Variants in TLN2 observed in about 807,000 individuals in gnomAD.
The protein encoded by TLN2 is talin 2.
Under a neutral mutation model 294.7 loss-of-function variants are expected in TLN2, and 118 were observed. The ratio of observed to expected loss-of-function variants is 0.40; its 90% CI spans 0.34 to 0.47. TLN2 has a LOEUF of 0.47. Ranked by LOEUF, TLN2 falls within the 20% of genes least tolerant of loss-of-function variation. The pLI, the probability that TLN2 is intolerant of heterozygous loss-of-function variation, is 0.84. For missense variants in TLN2, 3,083 were observed against 3,282.2 expected, an observed-to-expected ratio of 0.94 and a Z score of 1.48; for synonymous variants, 1,431 against 1,304.5, an observed-to-expected ratio of 1.10 and a Z score of -2.09.
intron 3 of TLN2, 66 bp from the exon 4 acceptor site, chr15:62,647,209 T>G: frequency 1.6e-5 from 23 of 1,400,942 alleles, no homozygotes; most frequent in Non-Finnish European, 2.2e-5. Flanking sequence ...GCACTTTTTT[T>G]GTTTTTTTTT....
intron 32 of TLN2, among the ~76,000 whole-genome samples, chr15:62,744,525 G>A (rs1312263781): frequency 1.3e-5 from 2 of 150,910 alleles, no homozygotes; most frequent in African/African-American, 4.9e-5. Context: ...ACCATGCCCA[G>A]CTAGATGATT....
chr15:62,673,920 C>G, intron 10 of TLN2, 30 bp downstream of exon 10: 2 of 1,565,890 alleles, frequency 1.3e-6, no homozygotes, highest in South Asian at 1.1e-5. Context: ...CTTTATTATT[C>G]TCCTCACTCC....
intron 1 of TLN2, among the ~76,000 whole-genome samples, chr15:62,459,503 A>G (rs919366354): frequency 2.6e-5 from 4 of 151,996 alleles, no homozygotes; most frequent in African/African-American, 9.7e-5. Flanking sequence ...GATAGAGGAA[A>G]ATTTACTGGA....
intron 1 of TLN2, among the ~76,000 whole-genome samples, chr15:62,514,783 G>A (rs187207179): frequency 2.0e-5 from 3 of 152,172 alleles, no homozygotes; most frequent in Non-Finnish European, 2.9e-5. Context: ...TAAATAATTG[G>A]CATTGCTAAT....
chr15:62,634,860 CCTT>C (rs557302843), intron 3 of TLN2, among the ~76,000 whole-genome samples: 123 of 152,286 alleles, frequency 8.1e-4, no homozygotes, highest in African/African-American at 2.9e-3. Context: ...CTAGTCCAAT[CCTT>C]CTTCTTCTCT....
chr15:62,829,614 A>G (rs2068575050), intron 54 of TLN2: 1 of 152,206 alleles, frequency 6.6e-6, no homozygotes, highest in Admixed American at 6.5e-5. Flanking sequence ...AGAATGGGGT[A>G]TCCATCCTCT....
At chr15:62,430,553 A>G (rs2034957548) in intron 1 of TLN2, among the ~76,000 whole-genome samples, 1 of 152,188 alleles carries the variant, frequency 6.6e-6, no homozygotes, top group East Asian at 1.9e-4. Flanking sequence ...AATGATTTGC[A>G]CCACATTTTT....
chr15:62,718,945 GGGGCCT>G (rs948828096), intron 24 of TLN2, among the ~76,000 whole-genome samples: 6 of 152,280 alleles, frequency 3.9e-5, no homozygotes, highest in Middle Eastern at 6.8e-3. Context: ...AGTCCTAAAG[GGGGCCT>G]GGGAAAAATT....
chr15:62,564,905 CAAAAAAA>C (rs60087745), intron 1 of TLN2, among the ~76,000 whole-genome samples: 2 of 112,834 alleles, frequency 1.8e-5, no homozygotes, highest in African/African-American at 3.6e-5. Context: ...AACTCCATCT[CAAAAAAA>C]AAAAAAAAAA....
At chr15:62,737,388 G>T (rs1362905926) in intron 29 of TLN2, among the ~76,000 whole-genome samples, 1 of 152,204 alleles carries the variant, frequency 6.6e-6, no homozygotes, top group African/African-American at 2.4e-5. Flanking sequence ...TTGGGCCTAT[G>T]TGTGCTGAGC....
chr15:62,470,954 A>G (rs545141124), intron 1 of TLN2, among the ~76,000 whole-genome samples: 23 of 152,374 alleles, frequency 1.5e-4, no homozygotes, highest in Non-Finnish European at 3.1e-4. Flanking sequence ...TTCTATAGAC[A>G]ATACTTGACA....
At chr15:62,578,365 G>C (rs1388194851) in intron 1 of TLN2, among the ~76,000 whole-genome samples, 1 of 151,946 alleles carries the variant, frequency 6.6e-6, no homozygotes, top group Non-Finnish European at 1.5e-5. Flanking sequence ...TCAGGAGTTC[G>C]AGACCAGCCT....
chr15:62,457,855 C>T (rs188107058), intron 1 of TLN2, among the ~76,000 whole-genome samples: 4 of 152,282 alleles, frequency 2.6e-5, no homozygotes, highest in East Asian at 3.9e-4. Context: ...TGCTGTGTCA[C>T]CTCCTGCTGT....
intron 1 of TLN2, among the ~76,000 whole-genome samples, chr15:62,577,415 G>A (rs1345088315): frequency 6.6e-6 from 1 of 152,210 alleles, no homozygotes; most frequent in Non-Finnish European, 1.5e-5. Flanking sequence ...TTGCACTCCA[G>A]CCTGGGCAAT....
rs116559114 is a variant in TLN2, at chr15:62,426,367, C to G, written c.-238+35682C>G. ...CCTTGGGAGGCAGAGAGGAGCAAAG[C>G]CGTTGCTGCCCTCCTGGGGCTGCGC... On this transcript the variant is annotated intron_variant, in intron 1 of 58. Coordinates refer to ENST00000636159, the MANE Select transcript of TLN2 (RefSeq NM_015059.3). 7.1e-3 allele frequency among the ~76,000 whole-genome samples: 1,089 copies of G among 152,334 alleles called. 15 individuals carry two copies. The highest frequency in any genetic ancestry group is 0.024 in the African/African-American group (1,011 of 41,566).
intron 31 of TLN2, chr15:62,740,339 A>C: frequency 3.2e-6 from 1 of 310,832 alleles, no homozygotes; most frequent in Non-Finnish European, 6.0e-6. Context: ...CTCTCCTCCC[A>C]CCCTGCTCCC....
At chr15:62,594,777 G>A (rs1407429131) in intron 2 of TLN2, among the ~76,000 whole-genome samples, 1 of 152,178 alleles carries the variant, frequency 6.6e-6, no homozygotes, top group South Asian at 2.1e-4. Context: ...AAACACAAAA[G>A]TGCAGGCAAT....
At position 62,763,030 on chromosome 15, in the gene TLN2, T is replaced by G. The variant is rs2062772394; in HGVS notation, c.4962-533T>G. On this transcript the variant is annotated intron_variant, in intron 39 of 58. Coordinates refer to ENST00000636159, the MANE Select transcript of TLN2 (RefSeq NM_015059.3). ...TACCTCGCAGCATGAAATTCATCTT[T>G]CCTTAATTATATTTTGCTTCCTAGT... 2.0e-5 allele frequency among the ~76,000 whole-genome samples: 3 copies of G among 152,220 alleles called. No individual in the cohort carries two copies. The South Asian group carries it at 6.2e-4, about 32-fold the overall frequency.
chr15:62,758,779 G>C (rs1450505400), intron 37 of TLN2: 1 of 152,248 alleles, frequency 6.6e-6, no homozygotes, highest in Admixed American at 6.5e-5. Flanking sequence ...TCTAAGGTCA[G>C]CAGGAGAGAA....
Sources: allele counts gnomAD v4.1 joint callset (sites outside exome capture counted in the v4.1 genomes callset), GRCh38; gene constraint gnomAD v4.1.1; transcripts MANE v1.5; gene names NCBI Gene and HGNC (gene_info 2026-07-23, HGNC 2026-07-21).